Variants in PLXDC2 observed in about 807,000 individuals in gnomAD.
PLXDC2 encodes plexin domain-containing protein 2.
Under a neutral mutation model 68.9 loss-of-function variants are expected in PLXDC2, and 40 were observed. That is an observed-to-expected ratio of 0.58 (90% CI 0.45 to 0.76). The LOEUF (loss-of-function observed/expected upper bound fraction) is 0.76, where lower values mean the gene tolerates loss of function less well. PLXDC2 is among the 30% of genes least tolerant of loss of function. The pLI, the probability that PLXDC2 is intolerant of heterozygous loss-of-function variation, is 0.00. For missense variants in PLXDC2, 644 were observed against 661.9 expected (o/e 0.97, Z 0.30); for synonymous variants, 243 against 234.2 (o/e 1.04, Z -0.34).
chr10:20,138,520 G>A (rs996104173), intron 4 of PLXDC2, among the ~76,000 whole-genome samples: 1 of 152,150 alleles, frequency 6.6e-6, no homozygotes, highest in Non-Finnish European at 1.5e-5. Context: ...GTGGCTTTAG[G>A]CAAATTGCCC....
At chr10:19,847,955 G>A (rs906690300) in intron 1 of PLXDC2, among the ~76,000 whole-genome samples, 18 of 152,036 alleles carry the variant, frequency 1.2e-4, no homozygotes, top group African/African-American at 1.7e-4. Context: ...TATACCTACC[G>A]ATTGCTAGGC....
intron 12 of PLXDC2, among the ~76,000 whole-genome samples, chr10:20,241,111 A>T (rs1029262390): frequency 8.5e-5 from 12 of 141,150 alleles, no homozygotes; most frequent in Non-Finnish European, 1.5e-4. Context: ...GTGTCTTGAC[A>T]TCTAAAGCAG....
chr10:20,279,441 G>T (rs549695485), intron 13 of PLXDC2, among the ~76,000 whole-genome samples: 4 of 152,174 alleles, frequency 2.6e-5, no homozygotes, highest in African/African-American at 9.6e-5. Context: ...CCTTGCTTGG[G>T]AGAAGCTCTG....
intron 1 of PLXDC2, among the ~76,000 whole-genome samples, chr10:19,964,842 C>G (rs1042465666): frequency 3.3e-5 from 5 of 152,096 alleles, no homozygotes; most frequent in African/African-American, 1.2e-4. Flanking sequence ...ACTCTAAGAG[C>G]CTTTCCAGCT....
chr10:20,229,883 A>G (rs1296438299), intron 12 of PLXDC2, among the ~76,000 whole-genome samples: 1 of 152,230 alleles, frequency 6.6e-6, no homozygotes, highest in African/African-American at 2.4e-5. Flanking sequence ...AGTGTCAGCC[A>G]TAAGTGATTT....
At chr10:20,202,201 G>A (rs950390859) in intron 9 of PLXDC2, among the ~76,000 whole-genome samples, 2 of 152,078 alleles carry the variant, frequency 1.3e-5, no homozygotes, top group African/African-American at 2.4e-5. Context: ...AAGAAAAAAA[G>A]GAATCATTGC....
chr10:20,244,743 T>G (rs975906155), intron 12 of PLXDC2, among the ~76,000 whole-genome samples: 1 of 152,192 alleles, frequency 6.6e-6, no homozygotes, highest in South Asian at 2.1e-4. Context: ...TTAAATTTAG[T>G]GTGTAGTTAA....
chr10:20,131,526 AG>A, intron 4 of PLXDC2, among the ~76,000 whole-genome samples: 1 of 152,112 alleles, frequency 6.6e-6, no homozygotes, highest in African/African-American at 2.4e-5. Flanking sequence ...CAGCCTCCCG[AG>A]TAGCTGGAAT....
At chr10:20,245,955 C>A (rs577494816) in intron 13 of PLXDC2, among the ~76,000 whole-genome samples, 5 of 152,034 alleles carry the variant, frequency 3.3e-5, no homozygotes, top group Non-Finnish European at 7.4e-5. Context: ...GCTCACAAAC[C>A]GTTTGGAAAA....
intron 1 of PLXDC2, among the ~76,000 whole-genome samples, chr10:19,857,075 A>G (rs189212899): frequency 3.8e-4 from 58 of 152,352 alleles, no homozygotes; most frequent in African/African-American, 7.2e-4. Context: ...AGACTATTTT[A>G]TTAAACTTTC....
chr10:20,036,651 A>G (rs568345373), intron 2 of PLXDC2, among the ~76,000 whole-genome samples: 6 of 152,256 alleles, frequency 3.9e-5, no homozygotes, highest in Admixed American at 3.9e-4. Flanking sequence ...GGATTGGAAA[A>G]TCACAGTATC....
chr10:20,133,489 T>A (rs1833894923), intron 4 of PLXDC2, among the ~76,000 whole-genome samples: 1 of 152,210 alleles, frequency 6.6e-6, no homozygotes, highest in South Asian at 2.1e-4. Context: ...TCTTGGTCAT[T>A]GCTGGTTTAC....
intron 1 of PLXDC2, among the ~76,000 whole-genome samples, chr10:19,966,980 G>T (rs1486232541): frequency 6.6e-6 from 1 of 152,164 alleles, no homozygotes; most frequent in African/African-American, 2.4e-5. Context: ...CTGCCCAGAC[G>T]TAAATCCCAG....
intron 3 of PLXDC2, among the ~76,000 whole-genome samples, chr10:20,056,396 T>A (rs1836000167): frequency 6.6e-6 from 1 of 152,164 alleles, no homozygotes; most frequent in Non-Finnish European, 1.5e-5. Context: ...AGCCAATAAG[T>A]ACATGGAACC....
intron 4 of PLXDC2, among the ~76,000 whole-genome samples, chr10:20,068,532 T>C (rs188530607): frequency 3.3e-4 from 50 of 150,918 alleles, no homozygotes; most frequent in African/African-American, 1.2e-3. Context: ...GAAATTGGAA[T>C]AGAGATAGAA....
intron 1 of PLXDC2, among the ~76,000 whole-genome samples, chr10:19,992,525 T>G (rs1053374399): frequency 1.3e-5 from 2 of 152,216 alleles, no homozygotes; most frequent in African/African-American, 2.4e-5. Context: ...TTGATCATTT[T>G]CCTTTTATTA....
intron 1 of PLXDC2, among the ~76,000 whole-genome samples, chr10:19,957,917 A>G (rs1486363863): frequency 6.6e-6 from 1 of 152,108 alleles, no homozygotes; most frequent in East Asian, 1.9e-4. Context: ...TGCAGTCTAT[A>G]TATTAGGTGC....
At chr10:20,247,296 CAAA>C (rs77665495) in intron 13 of PLXDC2, among the ~76,000 whole-genome samples, 4 of 96,530 alleles carry the variant, frequency 4.1e-5, no homozygotes, top group Non-Finnish European at 4.5e-5. Context: ...TTCATCTCTA[CAAA>C]AAAAAAAAAA....
chr10:20,223,709 A>T (rs922579927), intron 12 of PLXDC2, among the ~76,000 whole-genome samples: 9 of 152,196 alleles, frequency 5.9e-5, no homozygotes, highest in Admixed American at 3.3e-4. Flanking sequence ...AACTGATTAT[A>T]CTTAAAGTAT....
Sources: gnomAD v4.1 joint callset for allele counts (sites outside exome capture counted in the v4.1 genomes callset) on GRCh38, gnomAD v4.1.1 for gene constraint, MANE v1.5 for transcripts, NCBI Gene and HGNC (gene_info 2026-07-23, HGNC 2026-07-21) for gene names.